Variants in HPCAL1 observed in about 807,000 individuals in gnomAD.
HPCAL1 encodes the protein hippocalcin like 1.
A neutral mutation model predicts 17.1 loss-of-function variants in HPCAL1; 8 were observed. That is an observed-to-expected ratio of 0.47 (90% confidence interval 0.27 to 0.84). The LOEUF is 0.84. Among genes scored for constraint, HPCAL1 ranks in the 40% least tolerant of loss-of-function variants. HPCAL1 has a pLI of 0.13. For synonymous variants in HPCAL1, 112 were observed against 111.4 expected, an observed-to-expected ratio of 1.01 and a Z score of -0.03; for missense variants, 165 against 271.1, an observed-to-expected ratio of 0.61 and a Z score of 2.75.
chr2:10,422,152 C>T (rs1671102463), intron 3 of HPCAL1, among the ~76,000 whole-genome samples: 1 of 152,210 alleles, frequency 6.6e-6, no homozygotes, highest in Admixed American at 6.5e-5. Flanking sequence ...GTCCCCAAAC[C>T]CTGAAAGCCT....
chr2:10,399,519 A>ACCG (rs1669420775), intron 2 of HPCAL1, among the ~76,000 whole-genome samples: 1 of 118,358 alleles, frequency 8.4e-6, no homozygotes, highest in Non-Finnish European at 1.8e-5. Context: ...CACCGCCGCC[A>ACCG]CCACCGCCAC....
At chr2:10,386,023 T>C (rs1192024402) in intron 1 of HPCAL1, among the ~76,000 whole-genome samples, 1 of 152,202 alleles carries the variant, frequency 6.6e-6, no homozygotes, top group African/African-American at 2.4e-5. Flanking sequence ...AGAATATTAA[T>C]GTCGATAACA....
chr2:10,397,692 C>T (rs368598210), intron 2 of HPCAL1, among the ~76,000 whole-genome samples: 9 of 152,164 alleles, frequency 5.9e-5, no homozygotes, highest in African/African-American at 1.7e-4. Context: ...TCCGTGAGCT[C>T]GGGAGGGCTC....
At chr2:10,321,172 T>A (rs914513872) in intron 1 of HPCAL1, among the ~76,000 whole-genome samples, 7 of 152,066 alleles carry the variant, frequency 4.6e-5, no homozygotes, top group Non-Finnish European at 8.8e-5. Flanking sequence ...AGCAGGCACG[T>A]CACATGGAGA....
rs1018719080 is a variant in HPCAL1 at position 10,329,794 on chromosome 2, T to A, written c.-111+26617T>A. On this transcript the variant is annotated intron_variant, in intron 1 of 4. Transcript: ENST00000307845. Reference sequence around the variant, plus strand: ...GTGGGCCTGGGTTGGGGCTCCCAGCTGCAGGAATGCAAAGTTCATGGTTCT... The same window carrying A: ...GTGGGCCTGGGTTGGGGCTCCCAGCAGCAGGAATGCAAAGTTCATGGTTCT... Among the ~76,000 whole-genome samples, 7 of 152,270 alleles carry A rather than the reference T, an allele frequency of 4.6e-5. No individual in the cohort carries two copies. In the East Asian group the frequency reaches 9.6e-4, roughly 21 times the overall value.
At chr2:10,358,210 G>A (rs923235536) in intron 1 of HPCAL1, among the ~76,000 whole-genome samples, 1 of 152,212 alleles carries the variant, frequency 6.6e-6, no homozygotes, top group African/African-American at 2.4e-5. Flanking sequence ...AGGTTGTCAG[G>A]CCCTATTTTG....
chr2:10,371,061 G>A (rs1667173202), intron 1 of HPCAL1, among the ~76,000 whole-genome samples: 1 of 152,182 alleles, frequency 6.6e-6, no homozygotes, highest in Admixed American at 6.5e-5. Flanking sequence ...CAGTGACCTG[G>A]CATGGAGCAA....
At chr2:10,389,625 G>A (rs1034937722) in intron 1 of HPCAL1, among the ~76,000 whole-genome samples, 1 of 152,234 alleles carries the variant, frequency 6.6e-6, no homozygotes, top group South Asian at 2.1e-4. Flanking sequence ...ATTTGTTAGA[G>A]TGGCCTGGAG....
intron 1 of HPCAL1, among the ~76,000 whole-genome samples, chr2:10,324,149 A>T (rs146912126): frequency 5.2e-4 from 80 of 152,382 alleles, no homozygotes; most frequent in African/African-American, 1.9e-3. Context: ...ACATTTCCTT[A>T]TGTAAAAGCC....
chr2:10,326,488 T>G (rs1572642981), intron 1 of HPCAL1, among the ~76,000 whole-genome samples: 1 of 151,940 alleles, frequency 6.6e-6, no homozygotes, highest in African/African-American at 2.4e-5. Context: ...TGGAGACTTG[T>G]GGGGGGAATT....
At chr2:10,426,427 C>T (rs1012657048) in intron 4 of HPCAL1, 7 of 374,378 alleles carry the variant, frequency 1.9e-5, no homozygotes, top group South Asian at 8.1e-5. Flanking sequence ...CCTTAATAAG[C>T]GAAGTGTGGG....
At chr2:10,333,049 C>A (rs780796883) in intron 1 of HPCAL1, among the ~76,000 whole-genome samples, 1 of 150,780 alleles carries the variant, frequency 6.6e-6, no homozygotes, top group South Asian at 2.1e-4. Context: ...GTGTGGGGCA[C>A]AGTGGGCCCT....
At chr2:10,410,001 G>A (rs141905326) in intron 2 of HPCAL1, among the ~76,000 whole-genome samples, 2,623 of 151,706 alleles carry the variant, frequency 0.017, 90 homozygotes, top group African/African-American at 0.061. Flanking sequence ...TGTTGCTCAG[G>A]CTGGTCTTGA....
intron 1 of HPCAL1, among the ~76,000 whole-genome samples, chr2:10,366,516 G>A (rs1263503156): frequency 2.6e-5 from 4 of 152,150 alleles, no homozygotes; most frequent in Non-Finnish European, 4.4e-5. Context: ...GATTACAGGC[G>A]TGAGCCACCA....
intron 2 of HPCAL1, among the ~76,000 whole-genome samples, chr2:10,398,368 CTT>C (rs1669196431): frequency 6.6e-6 from 1 of 152,240 alleles, no homozygotes; most frequent in Non-Finnish European, 1.5e-5. Flanking sequence ...GGGAGATGCT[CTT>C]TATAATTTTC....
In HPCAL1 at chr2:10,304,146, C is replaced by T. The variant is rs1662460567; in HGVS notation, c.-111+969C>T. 6.6e-6 allele frequency among the ~76,000 whole-genome samples: 1 copy of T among 152,218 alleles called. No individual in the cohort carries two copies. The highest frequency in any genetic ancestry group is 1.5e-5 in the Non-Finnish European group (1 of 68,030). On this transcript the variant is annotated intron_variant, in intron 1 of 4. Transcript: ENST00000307845. This position sits in a 1 kb window ranked among gnomAD's most constrained non-coding sequence, Gnocchi z 4.1. The stretch of plus-strand genomic sequence containing the variant: ...AGCACCTCCCGGGCGGCGCCGCCTC[C>T]GCGAGTGCCCGAGAGCGCCGCGCTG...
intron 1 of HPCAL1, among the ~76,000 whole-genome samples, chr2:10,383,203 C>T (rs1668080321): frequency 6.6e-6 from 1 of 152,196 alleles, no homozygotes; most frequent in African/African-American, 2.4e-5. Flanking sequence ...AAGACCTCCT[C>T]TCTACAAAAG....
intron 2 of HPCAL1, among the ~76,000 whole-genome samples, chr2:10,397,131 C>A (rs1471019684): frequency 1.3e-5 from 2 of 152,172 alleles, no homozygotes; most frequent in Non-Finnish European, 2.9e-5. Context: ...GAGAAACAGC[C>A]CCCCAGGCCC....
intron 1 of HPCAL1, among the ~76,000 whole-genome samples, chr2:10,345,984 T>A (rs1665413678): frequency 6.6e-6 from 1 of 152,008 alleles, no homozygotes; most frequent in African/African-American, 2.4e-5. Context: ...AGAACAATTG[T>A]GGGAATAAGT....
Sources: gnomAD v4.1 joint callset for allele counts (sites outside exome capture counted in the v4.1 genomes callset) on GRCh38, gnomAD v4.1.1 for gene constraint, Gnocchi (gnomAD v3.1) non-coding constraint, MANE v1.5 for transcripts, NCBI Gene and HGNC (gene_info 2026-07-23, HGNC 2026-07-21) for gene names.